The following SCG5 variants were observed in gnomAD, a reference collection of about 807,000 sequenced individuals.
SCG5 encodes the protein secretogranin V.
In SCG5, 18 loss-of-function variants were observed where a neutral mutation model predicts 25.7. The ratio of observed to expected loss-of-function variants is 0.70; its 90% CI spans 0.48 to 1.04. The LOEUF is 1.04. Ranked by LOEUF, SCG5 falls within the 50% of genes least tolerant of loss-of-function variation. The pLI, the probability that SCG5 is intolerant of heterozygous loss-of-function variation, is 0.00. For missense variants in SCG5, 206 were observed against 259.8 expected (o/e 0.79, Z 1.42); for synonymous variants, 101 against 91.7 (o/e 1.10, Z -0.58).
intron 2 of SCG5, among the ~76,000 whole-genome samples, chr15:32,670,040 G>A (rs1236626137): frequency 1.3e-5 from 2 of 152,186 alleles, no homozygotes; most frequent in Non-Finnish European, 2.9e-5. Flanking sequence ...CAGAATTTGC[G>A]TCTCTGCCTT....
At chr15:32,653,673 C>T (rs571177081) in intron 2 of SCG5, among the ~76,000 whole-genome samples, 87 of 152,278 alleles carry the variant, frequency 5.7e-4, no homozygotes, top group African/African-American at 2.0e-3. Context: ...GTCCAGAGGC[C>T]GAATTATTTC....
chr15:32,664,600 A>C (rs1214623812), intron 2 of SCG5, among the ~76,000 whole-genome samples: 1 of 149,440 alleles, frequency 6.7e-6, no homozygotes, highest in African/African-American at 2.6e-5. Flanking sequence ...TGCAAATGAA[A>C]AGTTAGGTTC....
intron 2 of SCG5, among the ~76,000 whole-genome samples, chr15:32,648,437 G>C (rs1462901443): frequency 2.0e-5 from 3 of 152,058 alleles, no homozygotes; most frequent in Non-Finnish European, 4.4e-5. Flanking sequence ...AGTTAAACTT[G>C]AAAAGTTTAA....
intron 4 of SCG5, among the ~76,000 whole-genome samples, chr15:32,691,430 C>G (rs747105170): frequency 1.3e-5 from 2 of 152,106 alleles, no homozygotes; most frequent in Non-Finnish European, 2.9e-5. Context: ...TTTCCAGCAC[C>G]CTTCATGTTT....
intron 2 of SCG5, among the ~76,000 whole-genome samples, chr15:32,671,902 G>A (rs1335020554): frequency 6.6e-6 from 1 of 152,052 alleles, no homozygotes; most frequent in Non-Finnish European, 1.5e-5. Context: ...CCTTAGCCTG[G>A]GGAGCCTTGC....
chr15:32,647,723 T>G (rs2053966512), intron 2 of SCG5, among the ~76,000 whole-genome samples: 1 of 152,190 alleles, frequency 6.6e-6, no homozygotes, highest in Non-Finnish European at 1.5e-5. Context: ...CCAGGCACTG[T>G]TTTAGGTACT....
chr15:32,661,636 G>A (rs1183877968), intron 2 of SCG5, among the ~76,000 whole-genome samples: 2 of 152,060 alleles, frequency 1.3e-5, no homozygotes, highest in African/African-American at 2.4e-5. Flanking sequence ...AAAAAGAGAA[G>A]AAAGAAAACA....
chr15:32,685,404 T>C (rs1173430233), intron 4 of SCG5, among the ~76,000 whole-genome samples: 2 of 152,232 alleles, frequency 1.3e-5, no homozygotes, highest in African/African-American at 2.4e-5. Flanking sequence ...GATCGTTTTA[T>C]GTTCCCCTAT....
chr15:32,659,569 G>A (rs941030836), intron 2 of SCG5, among the ~76,000 whole-genome samples: 1 of 152,194 alleles, frequency 6.6e-6, no homozygotes, highest in Non-Finnish European at 1.5e-5. Context: ...TCCCCCAGTG[G>A]CCTGTTCAAG....
intron 2 of SCG5, among the ~76,000 whole-genome samples, chr15:32,651,504 GTC>G (rs1273185911): frequency 6.6e-6 from 1 of 152,240 alleles, no homozygotes; most frequent in African/African-American, 2.4e-5. Context: ...TTTCTGGCTA[GTC>G]TCTCTCTGCA....
At chr15:32,673,534 G>GTGTC (rs1194893466) in intron 2 of SCG5, among the ~76,000 whole-genome samples, 1 of 150,288 alleles carries the variant, frequency 6.7e-6, no homozygotes, top group Non-Finnish European at 1.5e-5. Flanking sequence ...CCCCGTGTGT[G>GTGTC]TGTGTGTGTG....
intron 4 of SCG5, among the ~76,000 whole-genome samples, chr15:32,691,023 G>A (rs531193871): frequency 3.6e-4 from 55 of 151,818 alleles, no homozygotes; most frequent in African/African-American, 1.2e-3. Flanking sequence ...TTGAGCATGT[G>A]TCTGATATTC....
intron 5 of SCG5, among the ~76,000 whole-genome samples, chr15:32,695,400 T>C (rs908161299): frequency 3.3e-5 from 5 of 152,070 alleles, no homozygotes; most frequent in Non-Finnish European, 7.3e-5. Flanking sequence ...ATTTTTCTTC[T>C]GCTTGCTAAA....
chr15:32,679,680 G>A lies in SCG5; in HGVS notation c.227-86G>A, dbSNP rs2140569971. ...CTCTCCCCACAGCAGAAGGCACAGG[G>A]CTTTTCCTGTGTGATATGCCTGAAT... On this transcript the variant is annotated intron_variant, in intron 2 of 5. Coordinates refer to ENST00000300175, the MANE Select transcript of SCG5 (RefSeq NM_001144757.3). 3 of 1,410,388 alleles carry A rather than the reference G, an allele frequency of 2.1e-6. No individual in the cohort carries two copies. In the South Asian group the frequency reaches 3.6e-5, roughly 17 times the overall value. 87.4% of individuals were successfully genotyped at this position (1,410,388 alleles called of 1,614,324 possible). A position where few individuals can be genotyped will look rare whatever the true frequency, so the allele number is the denominator to read the frequency against.
chr15:32,651,069 C>T (rs1468320808), intron 2 of SCG5, among the ~76,000 whole-genome samples: 1 of 151,998 alleles, frequency 6.6e-6, no homozygotes, highest in Non-Finnish European at 1.5e-5. Flanking sequence ...CATGGTGGCA[C>T]GTGCCTGTAA....
At chr15:32,664,307 G>A (rs1045117585) in intron 2 of SCG5, among the ~76,000 whole-genome samples, 4 of 152,076 alleles carry the variant, frequency 2.6e-5, no homozygotes, top group African/African-American at 4.8e-5. Flanking sequence ...GTTTCTCACT[G>A]TGCCCTCCTT....
chr15:32,668,280 CTT>C (rs796218345), intron 2 of SCG5, among the ~76,000 whole-genome samples: 100 of 152,316 alleles, frequency 6.6e-4, no homozygotes, highest in African/African-American at 2.4e-3. Context: ...ATAAAGAACA[CTT>C]ATGGATTTAC....
intron 2 of SCG5, among the ~76,000 whole-genome samples, chr15:32,662,450 A>G (rs1217623228): frequency 1.3e-5 from 2 of 149,942 alleles, no homozygotes; most frequent in Non-Finnish European, 2.9e-5. Context: ...TTGATGACCA[A>G]TGAAACAGAA....
intron 4 of SCG5, among the ~76,000 whole-genome samples, chr15:32,686,674 C>A (rs954433647): frequency 2.0e-5 from 3 of 152,048 alleles, no homozygotes; most frequent in Non-Finnish European, 2.9e-5. Flanking sequence ...GAAGCATTGC[C>A]AAACAGAAGC....
Sources: allele counts gnomAD v4.1 joint callset (sites outside exome capture counted in the v4.1 genomes callset), GRCh38; gene constraint gnomAD v4.1.1; transcripts MANE v1.5; gene names NCBI Gene and HGNC (gene_info 2026-07-23, HGNC 2026-07-21).